The following NRG1 variants were observed in gnomAD, a reference collection of about 807,000 sequenced individuals.
The protein encoded by NRG1 is neuregulin 1, also known as pro-neuregulin-1, membrane-bound isoform.
NRG1 carries 18 observed loss-of-function variants against 63.8 expected under a neutral mutation model. The observed-to-expected ratio is 0.28, with a 90% CI of 0.19 to 0.42. The LOEUF (loss-of-function observed/expected upper bound fraction) is 0.42, where lower values mean the gene tolerates loss of function less well. NRG1 is among the 10% of genes least tolerant of loss of function. NRG1 has a pLI of 1.00. For synonymous variants in NRG1, 302 were observed against 301.3 expected, an observed-to-expected ratio of 1.00 and a Z score of -0.02; for missense variants, 762 against 814.7, an observed-to-expected ratio of 0.94 and a Z score of 0.79.
intron 1 of NRG1, among the ~76,000 whole-genome samples, chr8:31,813,821 C>T (rs1586597096): frequency 6.6e-6 from 1 of 152,246 alleles, no homozygotes; most frequent in East Asian, 1.9e-4. Context: ...GCCATCATGC[C>T]TGGCCAGGAA....
Position 32,742,087 on chromosome 8 carries a change from T to A in NRG1, c.633-588T>A. ...CCAAAACCAAGAAAGTATGTCAAAA[T>A]AATCTGAAATTTGCTTTCTCCCCCA... On this transcript the variant is annotated intron_variant, in intron 6 of 11. Coordinates refer to ENST00000356819, the Ensembl canonical transcript of NRG1. This position sits in a 1 kb window ranked among gnomAD's most constrained non-coding sequence, Gnocchi z 4.2. The A allele has an allele frequency of 1.2e-6, 2 of 1,611,346 alleles. No homozygotes were observed. The highest frequency in any genetic ancestry group is 1.7e-5 in the Admixed American group (1 of 59,954).
intron 1 of NRG1, among the ~76,000 whole-genome samples, chr8:31,894,248 A>T (rs1406417048): frequency 5.7e-4 from 86 of 152,198 alleles, no homozygotes; most frequent in Non-Finnish European, 1.3e-4. Context: ...TCTGAATATA[A>T]CCAACAGTTT....
intron 1 of NRG1, among the ~76,000 whole-genome samples, chr8:32,342,589 T>G (rs886821552): frequency 6.6e-6 from 1 of 152,180 alleles, no homozygotes; most frequent in Admixed American, 6.5e-5. Flanking sequence ...CAATGCTGTA[T>G]TGTCTCTCCA....
chr8:32,456,682 T>G (rs1821636563), intron 1 of NRG1, among the ~76,000 whole-genome samples: 1 of 152,228 alleles, frequency 6.6e-6, no homozygotes, highest in South Asian at 2.1e-4. Context: ...CTATTTATGC[T>G]GCTGGTAAGG....
At chr8:31,873,154 G>A (rs190823883) in intron 1 of NRG1, among the ~76,000 whole-genome samples, 28 of 152,300 alleles carry the variant, frequency 1.8e-4, no homozygotes, top group African/African-American at 5.8e-4. Flanking sequence ...CACGAAATAA[G>A]TTTTGGGAGT....
At chr8:32,064,476 T>C (rs1426946910) in intron 1 of NRG1, among the ~76,000 whole-genome samples, 2 of 152,142 alleles carry the variant, frequency 1.3e-5, no homozygotes, top group African/African-American at 2.4e-5. Context: ...AGCTGACAAT[T>C]TGCCATCCTT....
chr8:32,375,716 C>G (rs1030896389), intron 1 of NRG1, among the ~76,000 whole-genome samples: 2 of 152,232 alleles, frequency 1.3e-5, no homozygotes, highest in Non-Finnish European at 2.9e-5. Context: ...AATGAAAGCT[C>G]TTTCCAGTAG....
chr8:32,671,859 A>G (rs1196372052), intron 5 of NRG1, among the ~76,000 whole-genome samples: 1 of 152,196 alleles, frequency 6.6e-6, no homozygotes, highest in Non-Finnish European at 1.5e-5. Context: ...TGTGATTAGA[A>G]AATCATTATA....
At chr8:31,746,093 C>G (rs1815829441) in intron 1 of NRG1, among the ~76,000 whole-genome samples, 2 of 151,248 alleles carry the variant, frequency 1.3e-5, no homozygotes, top group Non-Finnish European at 3.0e-5. Context: ...TTTTTCTGAA[C>G]TAACTCTTAC....
rs144717752 is a variant in NRG1, at chr8:31,680,870, A to G, written c.37+41439A>G. ...TACTCACCATGGACCATGCAAGCTC[A>G]TTCCTGCCCGCACACAGAACAGCGA... On this transcript the variant is annotated intron_variant, in intron 1 of 10. Coordinates refer to the NRG1 transcript ENST00000519301. 0.013 allele frequency among the ~76,000 whole-genome samples: 1,996 copies of G among 152,290 alleles called. 63 individuals are homozygous for G. In the South Asian group the frequency reaches 0.14, roughly 11 times the overall value.
chr8:32,603,495 T>G (rs1413750741), intron 2 of NRG1, among the ~76,000 whole-genome samples: 1 of 152,200 alleles, frequency 6.6e-6, no homozygotes. Context: ...TTTCTTTTTC[T>G]TTGACCAAGT....
At chr8:32,686,222 A>T (rs889410112) in intron 5 of NRG1, among the ~76,000 whole-genome samples, 1 of 152,218 alleles carries the variant, frequency 6.6e-6, no homozygotes. Flanking sequence ...GACAAAATAT[A>T]TGGCAAAAAG....
At chr8:31,955,440 G>A (rs943795708) in intron 1 of NRG1, among the ~76,000 whole-genome samples, 1 of 152,184 alleles carries the variant, frequency 6.6e-6, no homozygotes, top group Non-Finnish European at 1.5e-5. Context: ...AAACATTCTA[G>A]AGCACAAGTT....
intron 1 of NRG1, among the ~76,000 whole-genome samples, chr8:32,048,438 T>C (rs868052500): frequency 0.035 from 419 of 12,142 alleles, 3 homozygotes; most frequent in African/African-American, 0.044. Flanking sequence ...TGTACACATA[T>C]ATACATACAT....
chr8:32,357,969 T>C (rs1806677380), intron 1 of NRG1, among the ~76,000 whole-genome samples: 1 of 152,296 alleles, frequency 6.6e-6, no homozygotes, highest in South Asian at 2.1e-4. Context: ...TGTACCCAAT[T>C]AAAATACCGA....
intron 1 of NRG1, among the ~76,000 whole-genome samples, chr8:32,138,252 A>G (rs1188690789): frequency 6.6e-6 from 1 of 152,024 alleles, no homozygotes; most frequent in African/African-American, 2.4e-5. Flanking sequence ...CAATAAATAG[A>G]ATATATCATT....
rs1047262791 is a variant in NRG1, at chr8:31,740,236, A to G, written c.37+100805A>G. Among the ~76,000 whole-genome samples the G allele has an allele frequency of 2.6e-5, 4 of 152,220 alleles. No individual in the cohort carries two copies. In the South Asian group the frequency reaches 8.3e-4, roughly 32 times the overall value. The stretch of plus-strand genomic sequence containing the variant: ...ATGCATGGGACTGAAGAGTAAAGTC[A>G]AGAAATATTTGAGATGCCTCTTTTA... On this transcript the variant is annotated intron_variant, in intron 1 of 10. Transcript: ENST00000519301.
intron 1 of NRG1, among the ~76,000 whole-genome samples, chr8:32,493,360 C>A (rs1826824675): frequency 6.6e-6 from 1 of 152,130 alleles, no homozygotes; most frequent in Non-Finnish European, 1.5e-5. Flanking sequence ...TCCCCACGCC[C>A]ATTTCCTATC....
At chr8:32,371,373 T>G (rs1808835758) in intron 1 of NRG1, among the ~76,000 whole-genome samples, 1 of 152,238 alleles carries the variant, frequency 6.6e-6, no homozygotes, top group Admixed American at 6.5e-5. Flanking sequence ...GTGGTCTTTG[T>G]ACTGAGTTTT....
Sources: gnomAD v4.1 joint callset for allele counts (sites outside exome capture counted in the v4.1 genomes callset) on GRCh38, gnomAD v4.1.1 for gene constraint, Gnocchi (gnomAD v3.1) non-coding constraint, MANE v1.5 for transcripts, NCBI Gene and HGNC (gene_info 2026-07-23, HGNC 2026-07-21) for gene names.